Variants in ZFYVE9 observed in about 807,000 individuals in gnomAD.
The protein encoded by ZFYVE9 is zinc finger FYVE-type containing 9.
ZFYVE9 carries 43 observed loss-of-function variants against 126.7 expected under a neutral mutation model. The observed-to-expected ratio is 0.34, with a 90% CI of 0.27 to 0.44. The LOEUF (loss-of-function observed/expected upper bound fraction) is 0.44. Among genes scored for constraint, ZFYVE9 ranks in the 20% least tolerant of loss-of-function variants. ZFYVE9 has a pLI of 1.00. For synonymous variants in ZFYVE9, 521 were observed against 597.4 expected (o/e 0.87, Z 1.87); for missense variants, 1,476 against 1,697.0 (o/e 0.87, Z 2.29).
chr1:52,279,756 A>G (rs1486491471), intron 9 of ZFYVE9, among the ~76,000 whole-genome samples: 1 of 152,210 alleles, frequency 6.6e-6, no homozygotes, highest in Non-Finnish European at 1.5e-5. Context: ...GATGTGAGCC[A>G]CTGCGCCAGC....
At chr1:52,291,220 A>C (rs1005461021) in intron 10 of ZFYVE9, among the ~76,000 whole-genome samples, 1 of 152,168 alleles carries the variant, frequency 6.6e-6, no homozygotes. Flanking sequence ...TTCAGCCACA[A>C]AGCTTCTCTG....
chr1:52,305,455 A>T (rs1049197041), intron 13 of ZFYVE9, among the ~76,000 whole-genome samples: 1 of 152,178 alleles, frequency 6.6e-6, no homozygotes, highest in African/African-American at 2.4e-5. Context: ...CAAAAACCTT[A>T]TGCCTGCTTT....
intron 4 of ZFYVE9, among the ~76,000 whole-genome samples, chr1:52,248,702 A>G (rs921092810): frequency 1.3e-5 from 2 of 152,208 alleles, no homozygotes; most frequent in Non-Finnish European, 2.9e-5. Flanking sequence ...CCTCTTGGGT[A>G]TTACCAATAA....
intron 1 of ZFYVE9, among the ~76,000 whole-genome samples, chr1:52,156,950 A>G (rs561554133): frequency 1.3e-5 from 2 of 151,596 alleles, no homozygotes; most frequent in Non-Finnish European, 2.9e-5. Context: ...CTCTTGCCTC[A>G]GCCTCCCGAG....
At chr1:52,242,152 C>T (rs1045423457) in intron 4 of ZFYVE9, among the ~76,000 whole-genome samples, 11 of 151,780 alleles carry the variant, frequency 7.2e-5, no homozygotes, top group African/African-American at 2.7e-4. Context: ...CTGCCTCAGC[C>T]TCCTGAGTAG....
At position 52,239,594 on chromosome 1, in the gene ZFYVE9, AG is replaced by A. The variant is rs1242738736; in HGVS notation, c.2178+1del. 1 of 1,608,612 alleles carries A rather than the reference AG, an allele frequency of 6.2e-7. No homozygotes were observed. The highest frequency in any genetic ancestry group is 1.3e-5 in the African/African-American group (1 of 74,896). ...KRRHHCRACG[K>X]VFCASCCSLK... ...AGGCATCACTGCAGAGCATGTGGGAAGGTAAGTTGCATGTATACACTCAGAA... is the reference window on the plus strand; with the variant it reads ...AGGCATCACTGCAGAGCATGTGGGAAGTAAGTTGCATGTATACACTCAGAA... On this transcript the variant is annotated frameshift_variant and splice_region_variant, in exon 4 of 19. Coordinates refer to ENST00000287727, the MANE Select transcript of ZFYVE9 (RefSeq NM_004799.4). LOFTEE classifies it high-confidence loss of function.
chr1:52,294,607 G>T (rs1162420242), intron 11 of ZFYVE9, among the ~76,000 whole-genome samples: 2 of 152,138 alleles, frequency 1.3e-5, no homozygotes, highest in African/African-American at 4.8e-5. Flanking sequence ...GTGGTATCTT[G>T]TATTAAAACC....
chr1:52,289,742 A>G (rs1196844375), intron 10 of ZFYVE9, among the ~76,000 whole-genome samples: 2 of 152,224 alleles, frequency 1.3e-5, no homozygotes, highest in East Asian at 3.8e-4. Context: ...GAGATGGTAC[A>G]TGATAGTCTA....
intron 2 of ZFYVE9, among the ~76,000 whole-genome samples, chr1:52,229,307 A>C (rs1394888388): frequency 6.6e-6 from 1 of 152,216 alleles, no homozygotes; most frequent in Non-Finnish European, 1.5e-5. Context: ...TTTTCATTGC[A>C]TCATATTGGA....
At chr1:52,334,584 GT>G (rs1233777520) in intron 14 of ZFYVE9, 103 bp from the exon 15 acceptor site, 1 of 1,186,140 alleles carries the variant, frequency 8.4e-7, no homozygotes, top group Non-Finnish European at 1.2e-6. Flanking sequence ...AAAATTTTCT[GT>G]GTGATGATGG....
At chr1:52,217,862 C>T (rs537420173) in intron 2 of ZFYVE9, among the ~76,000 whole-genome samples, 126 of 152,296 alleles carry the variant, frequency 8.3e-4, no homozygotes, top group African/African-American at 2.9e-3. Context: ...TTTTGGCCAA[C>T]ACCATGTCAA....
At chr1:52,311,223 A>G (rs1646133975) in intron 13 of ZFYVE9, among the ~76,000 whole-genome samples, 1 of 152,100 alleles carries the variant, frequency 6.6e-6, no homozygotes, top group African/African-American at 2.4e-5. Context: ...CCATAGTGAA[A>G]GAAGAAGAGA....
chr1:52,178,082 A>G (rs2124535018), intron 1 of ZFYVE9, among the ~76,000 whole-genome samples: 1 of 151,778 alleles, frequency 6.6e-6, no homozygotes, highest in South Asian at 2.1e-4. Context: ...GATCGAGACA[A>G]TCCTGGCTAA....
At chr1:52,292,316 A>G (rs1438514163) in intron 10 of ZFYVE9, among the ~76,000 whole-genome samples, 1 of 151,330 alleles carries the variant, frequency 6.6e-6, no homozygotes, top group Admixed American at 6.6e-5. Flanking sequence ...AGAAAAAAAC[A>G]ACTTGTCTGT....
chr1:52,272,138 A>G lies in ZFYVE9; in HGVS notation c.2626-2326A>G, dbSNP rs369030647. ...CAGGCATGAGCCACCATGTCCAGCC[A>G]TATTTTGAAGAAATAGTTTTAATGT... On this transcript the variant is annotated intron_variant, in intron 7 of 18. Transcript: ENST00000287727. Among the ~76,000 whole-genome samples, 22 of 152,316 alleles carry G rather than the reference A, an allele frequency of 1.4e-4. No homozygotes were observed. In the East Asian group the frequency reaches 2.1e-3, roughly 15 times the overall value.
chr1:52,198,826 T>C (rs1644895285), intron 1 of ZFYVE9, among the ~76,000 whole-genome samples: 1 of 152,152 alleles, frequency 6.6e-6, no homozygotes, highest in African/African-American at 2.4e-5. Flanking sequence ...ACGTATAGCC[T>C]CCGCCATTAT....
chr1:52,270,081 C>CT (rs917376514), intron 7 of ZFYVE9, among the ~76,000 whole-genome samples: 8 of 151,402 alleles, frequency 5.3e-5, no homozygotes, highest in Middle Eastern at 3.4e-3. Context: ...AGTACACACG[C>CT]TTTTTTTTTA....
intron 3 of ZFYVE9, among the ~76,000 whole-genome samples, chr1:52,237,135 T>C (rs1216914776): frequency 6.6e-6 from 1 of 152,162 alleles, no homozygotes; most frequent in Non-Finnish European, 1.5e-5. Flanking sequence ...CTAGCCACTG[T>C]TCTAAATTTT....
intron 1 of ZFYVE9, among the ~76,000 whole-genome samples, chr1:52,188,651 G>A (rs893042479): frequency 6.6e-6 from 1 of 152,128 alleles, no homozygotes; most frequent in African/African-American, 2.4e-5. Context: ...AGGACTGGCT[G>A]CTAATTTTTC....
Sources: allele counts gnomAD v4.1 joint callset (sites outside exome capture counted in the v4.1 genomes callset), GRCh38; gene constraint gnomAD v4.1.1; transcripts MANE v1.5; gene names NCBI Gene and HGNC (gene_info 2026-07-23, HGNC 2026-07-21).